The following CLN8 variants were observed in gnomAD, a reference collection of about 807,000 sequenced individuals.
CLN8 encodes CLN8 transmembrane ER and ERGIC protein, also known as protein CLN8.
CLN8 carries 14 observed loss-of-function variants against 15.7 expected under a neutral mutation model. The ratio of observed to expected loss-of-function variants is 0.89; its 90% CI spans 0.59 to 1.39. The LOEUF (loss-of-function observed/expected upper bound fraction) is 1.39. Ranked by LOEUF, CLN8 falls within the 40% of genes most tolerant of loss-of-function variation. The pLI, the probability that CLN8 is intolerant of heterozygous loss-of-function variation, is 0.00. For synonymous variants in CLN8, 188 were observed against 151.0 expected (o/e 1.25, Z -1.80); for missense variants, 415 against 364.0 (o/e 1.14, Z -1.14).
chr8:1,764,893 T>C (rs1800985781), intron 1 of CLN8, among the ~76,000 whole-genome samples: 1 of 152,018 alleles, frequency 6.6e-6, no homozygotes, highest in South Asian at 2.1e-4. Context: ...GTGAAATCTG[T>C]AACTATCCAG....
At chr8:1,769,576 G>T (rs992374512) in intron 1 of CLN8, among the ~76,000 whole-genome samples, 20 of 152,174 alleles carry the variant, frequency 1.3e-4, no homozygotes, top group Admixed American at 1.2e-3. Flanking sequence ...GGTGAGGGGG[G>T]ACCAGGCGGG....
intron 1 of CLN8, among the ~76,000 whole-genome samples, chr8:1,756,562 T>C (rs539413321): frequency 7.2e-5 from 11 of 152,014 alleles, no homozygotes; most frequent in Non-Finnish European, 2.9e-5. Context: ...TATTATGCTG[T>C]ATGTTTGGGG....
chr8:1,754,211 C>A (rs1473518948), upstream of CLN8, among the ~76,000 whole-genome samples: 2 of 152,240 alleles, frequency 1.3e-5, no homozygotes, highest in East Asian at 3.9e-4. Context: ...TGTCTGTTTC[C>A]TGGCAGTCAG....
intron 1 of CLN8, among the ~76,000 whole-genome samples, chr8:1,765,930 C>G (rs1801034923): frequency 6.6e-6 from 1 of 151,916 alleles, no homozygotes; most frequent in African/African-American, 2.4e-5. Context: ...CTTTTTTTTC[C>G]CTTTTGACGT....
chr8:1,773,776 C>G (rs552838144), intron 2 of CLN8: 1 of 152,194 alleles, frequency 6.6e-6, no homozygotes, highest in Non-Finnish European at 1.5e-5. Flanking sequence ...CTACTCCTCT[C>G]ACCTGGAAAC....
At chr8:1,766,861 G>A (rs1315638422) in intron 1 of CLN8, among the ~76,000 whole-genome samples, 1 of 152,232 alleles carries the variant, frequency 6.6e-6, no homozygotes, top group East Asian at 1.9e-4. Context: ...GGGTCAAGGA[G>A]CAGAAATAGA....
chr8:1,759,871 C>G (rs1800751811), upstream of CLN8: 2 of 152,218 alleles, frequency 1.3e-5, no homozygotes, highest in African/African-American at 4.8e-5. Flanking sequence ...TTTTTCGCCT[C>G]TCGCTCATTA....
chr8:1,786,343 C>T lies in CLN8; in HGVS notation c.*5776C>T, dbSNP rs1463905561. 1 of 152,246 alleles carries T rather than the reference C, an allele frequency of 6.6e-6. No homozygotes were observed. The highest frequency in any genetic ancestry group is 1.5e-5 in the Non-Finnish European group (1 of 68,034). The allele number at this position is 152,246 out of a possible 1,614,324, so 9.4% of individuals were successfully genotyped here. ...TAAATCAGAATAAACTGCACCCAGA[C>T]TTTCACGAATGCATGTTGACGCTTT... On this transcript the variant is annotated 3_prime_UTR_variant, in exon 3 of 3. Transcript: ENST00000331222.
chr8:1,757,451 C>T lies in CLN8; in HGVS notation c.-124+1369C>T, dbSNP rs149558514. ...CAAGGCACTTTTTTTGGTTTTGTTTCGTTTTTTGAGATGGAGTCTTGCTCT... is the reference window on the plus strand; with the variant it reads ...CAAGGCACTTTTTTTGGTTTTGTTTTGTTTTTTGAGATGGAGTCTTGCTCT... On this transcript the variant is annotated intron_variant, in intron 1 of 1. Transcript: ENST00000524258. 8.3e-3 allele frequency among the ~76,000 whole-genome samples: 1,260 copies of T among 152,182 alleles called. 19 individuals are homozygous for T. The highest frequency in any genetic ancestry group is 0.028 in the African/African-American group (1,153 of 41,536).
In CLN8 at chr8:1,785,383, A is replaced by T. The variant is rs60475454; in HGVS notation, c.*4816A>T. The T allele has an allele frequency of 0.076, 8,385 of 110,100 alleles. 64 individuals are homozygous for T. The highest frequency in any genetic ancestry group is 0.11 in the African/African-American group (2,897 of 25,438). The allele number at this position is 110,100 out of a possible 1,614,324, so 6.8% of individuals were successfully genotyped here. The stretch of plus-strand genomic sequence containing the variant: ...GTGGGGTTAGACAGGTACCGGTCAG[A>T]TTACGGTGGCACAGGCGGCGTGGGG... On this transcript the variant is annotated 3_prime_UTR_variant, in exon 3 of 3. Transcript: ENST00000331222.
At chr8:1,760,651 TTTG>T (rs765144128), upstream of CLN8, among the ~76,000 whole-genome samples, 6 of 152,186 alleles carry the variant, frequency 3.9e-5, no homozygotes, top group Admixed American at 6.5e-5. Context: ...CACTTCATTC[TTTG>T]TTAAGACAGG....
At chr8:1,755,318 A>G (rs542622266), upstream of CLN8, among the ~76,000 whole-genome samples, 7 of 152,128 alleles carry the variant, frequency 4.6e-5, no homozygotes, top group South Asian at 1.2e-3. Flanking sequence ...CAAACCTTAC[A>G]AAGTCCTCCA....
chr8:1,779,285 C>T (rs751525610), intron 2 of CLN8, among the ~76,000 whole-genome samples: 7 of 152,114 alleles, frequency 4.6e-5, no homozygotes, highest in Non-Finnish European at 7.4e-5. Flanking sequence ...GCTCTTTCTC[C>T]AGACTAGATT....
chr8:1,777,732 A>G (rs888817603), intron 2 of CLN8, among the ~76,000 whole-genome samples: 2 of 152,158 alleles, frequency 1.3e-5, no homozygotes, highest in Non-Finnish European at 2.9e-5. Flanking sequence ...CCCACTGGAG[A>G]GACTTCAGGG....
At chr8:1,765,710 A>T (rs943915275) in intron 1 of CLN8, among the ~76,000 whole-genome samples, 6 of 152,244 alleles carry the variant, frequency 3.9e-5, no homozygotes, top group African/African-American at 1.4e-4. Context: ...AGATTAGATA[A>T]TAAGATTGGT....
chr8:1,779,838 T>C (rs1426903851), intron 2 of CLN8: 1 of 482,288 alleles, frequency 2.1e-6, no homozygotes, highest in Non-Finnish European at 2.7e-6. Context: ...CCTCATCACT[T>C]CCCAGGGTCT....
intron 2 of CLN8, among the ~76,000 whole-genome samples, chr8:1,774,527 A>G (rs552708146): frequency 6.6e-6 from 1 of 152,206 alleles, no homozygotes; most frequent in Non-Finnish European, 1.5e-5. Flanking sequence ...TTTCTCCCCC[A>G]TCAAGGTCTG....
intron 1 of CLN8, among the ~76,000 whole-genome samples, chr8:1,770,225 G>A (rs570257500): frequency 6.6e-6 from 1 of 152,318 alleles, no homozygotes; most frequent in Non-Finnish European, 1.5e-5. Flanking sequence ...GTAAGATGAT[G>A]CCAACTTGGG....
upstream of CLN8, among the ~76,000 whole-genome samples, chr8:1,753,282 C>G (rs1375514506): frequency 1.4e-5 from 2 of 147,524 alleles, no homozygotes; most frequent in African/African-American, 5.0e-5. Flanking sequence ...GAAATTTTGT[C>G]ATTCCTGGCT....
Sources: allele counts gnomAD v4.1 joint callset (sites outside exome capture counted in the v4.1 genomes callset), GRCh38; gene constraint gnomAD v4.1.1; transcripts MANE v1.5; gene names NCBI Gene and HGNC (gene_info 2026-07-23, HGNC 2026-07-21).